Variants in ALK observed in about 807,000 individuals in gnomAD.
The protein encoded by ALK is ALK tyrosine kinase receptor.
Under a neutral mutation model 163.1 loss-of-function variants are expected in ALK, and 74 were observed. The observed-to-expected ratio is 0.45, with a 90% CI of 0.38 to 0.55. ALK has a LOEUF of 0.55. Among genes scored for constraint, ALK ranks in the 20% least tolerant of loss-of-function variants. The pLI is 0.00. For synonymous variants in ALK, 960 were observed against 843.2 expected (o/e 1.14, Z -2.40); for missense variants, 2,063 against 2,105.3 (o/e 0.98, Z 0.39).
intron 4 of ALK, among the ~76,000 whole-genome samples, chr2:29,497,692 T>C (rs1022920746): frequency 1.6e-4 from 25 of 152,332 alleles, no homozygotes; most frequent in Middle Eastern, 3.4e-3. Context: ...GACAGAATCT[T>C]TTTCTTCCTT....
At chr2:29,532,501 T>C (rs1356597915) in intron 3 of ALK, among the ~76,000 whole-genome samples, 1 of 152,252 alleles carries the variant, frequency 6.6e-6, no homozygotes, top group East Asian at 1.9e-4. Flanking sequence ...ATTAACTTTC[T>C]TAGGTTTCAG....
At chr2:29,703,645 A>G (rs568380925) in intron 2 of ALK, among the ~76,000 whole-genome samples, 1 of 152,338 alleles carries the variant, frequency 6.6e-6, no homozygotes, top group East Asian at 1.9e-4. Flanking sequence ...TCATCCTGAG[A>G]AATAGTATTC....
At chr2:29,401,168 C>G (rs1253733859) in intron 4 of ALK, among the ~76,000 whole-genome samples, 1 of 152,174 alleles carries the variant, frequency 6.6e-6, no homozygotes, top group Non-Finnish European at 1.5e-5. Flanking sequence ...CTTCACTACA[C>G]CTGATCAAGT....
intron 5 of ALK, among the ~76,000 whole-genome samples, chr2:29,354,956 C>T (rs1422597744): frequency 2.6e-5 from 4 of 151,940 alleles, no homozygotes; most frequent in South Asian, 2.1e-4. Context: ...TTAGTAGAGA[C>T]GGGGTTTCAC....
At chr2:29,612,504 T>G (rs541936129) in intron 3 of ALK, among the ~76,000 whole-genome samples, 4 of 152,194 alleles carry the variant, frequency 2.6e-5, no homozygotes, top group Non-Finnish European at 5.9e-5. Flanking sequence ...AAAGTGATCA[T>G]GAGGTCAACT....
intron 4 of ALK, among the ~76,000 whole-genome samples, chr2:29,484,808 C>A (rs1671741895): frequency 6.6e-6 from 1 of 152,258 alleles, no homozygotes; most frequent in African/African-American, 2.4e-5. Flanking sequence ...TAAATGACTG[C>A]AAAATTCTAT....
At chr2:29,674,436 G>A (rs1441432286) in intron 3 of ALK, among the ~76,000 whole-genome samples, 6 of 150,672 alleles carry the variant, frequency 4.0e-5, no homozygotes, top group African/African-American at 7.3e-5. Flanking sequence ...AGATAATCAT[G>A]TGGTTTTTGT....
chr2:29,442,060 C>T (rs1022353795), intron 4 of ALK, among the ~76,000 whole-genome samples: 1 of 152,178 alleles, frequency 6.6e-6, no homozygotes. Flanking sequence ...GAAGCAGGCT[C>T]ATAGGTGCAC....
At chr2:29,343,944 G>C (rs1667874212) in intron 5 of ALK, among the ~76,000 whole-genome samples, 1 of 152,160 alleles carries the variant, frequency 6.6e-6, no homozygotes, top group African/African-American at 2.4e-5. Context: ...ACTAAGCAGA[G>C]TCTACAATTT....
intron 1 of ALK, among the ~76,000 whole-genome samples, chr2:29,730,037 C>T (rs945623404): frequency 3.3e-5 from 5 of 152,152 alleles, no homozygotes; most frequent in African/African-American, 9.7e-5. Context: ...GAAGGTAAGT[C>T]GTCCTATTAA....
chr2:29,193,848 C>T lies in ALK; in HGVS notation c.4239G>A (p.Val1413=), dbSNP rs1430694759. 1.2e-6 allele frequency: 2 copies of T among 1,613,212 alleles called. No homozygotes were observed. The highest frequency in any genetic ancestry group is 1.7e-6 in the Non-Finnish European group (2 of 1,179,670). The change falls in exon 29 of 29, where the codon GTG becomes GTA. Residue 1413 remains valine, a synonymous_variant. Transcript: ENST00000389048. The part of the protein sequence containing the change: ...PLVEEEEKVP[V]RPKDPEGVPP... ...GAACCCCCTCAGGGTCCTTGGGCCT[C>T]ACAGGCACTTTCTCTTCCTCTTCCA...
At chr2:29,559,508 T>C (rs1435504300) in intron 3 of ALK, among the ~76,000 whole-genome samples, 1 of 152,200 alleles carries the variant, frequency 6.6e-6, no homozygotes, top group Non-Finnish European at 1.5e-5. Context: ...TCCACATTCT[T>C]AATATTTGCC....
chr2:29,886,834 T>C (rs2148421863), intron 1 of ALK, among the ~76,000 whole-genome samples: 1 of 152,348 alleles, frequency 6.6e-6, no homozygotes, highest in East Asian at 1.9e-4. Context: ...GCTCAACACC[T>C]GGCAAATTGG....
chr2:29,907,264 TTCCCTC>T (rs1182994721), intron 1 of ALK: 8 of 152,230 alleles, frequency 5.3e-5, no homozygotes, highest in African/African-American at 1.9e-4. Context: ...CTTTAGCTTT[TTCCCTC>T]CTGATTTTCA....
At chr2:29,201,781 TAAA>T (rs34316026) in intron 26 of ALK, among the ~76,000 whole-genome samples, 204 of 138,438 alleles carry the variant, frequency 1.5e-3, no homozygotes, top group African/African-American at 4.7e-3. Context: ...AATGACAGTC[TAAA>T]AAAAAAAAAA....
At chr2:29,343,149 G>A (rs1213808235) in intron 5 of ALK, among the ~76,000 whole-genome samples, 1 of 151,090 alleles carries the variant, frequency 6.6e-6, no homozygotes, top group African/African-American at 2.4e-5. Context: ...GCCTCCCTAA[G>A]GGCTGAGATT....
At chr2:29,624,172 C>G (rs966117506) in intron 3 of ALK, among the ~76,000 whole-genome samples, 1 of 23,984 alleles carries the variant, frequency 4.2e-5, no homozygotes, top group East Asian at 2.3e-3. Context: ...GTCCTGCTCT[C>G]GCTGGTGGTA....
intron 8 of ALK, 43 bp downstream of exon 8, chr2:29,318,261 G>C: frequency 4.7e-6 from 7 of 1,504,170 alleles, no homozygotes; most frequent in Non-Finnish European, 5.6e-6. Context: ...GTGACAAGAG[G>C]TGGGAGGAGA....
chr2:29,736,405 G>A (rs1192847763), intron 1 of ALK, among the ~76,000 whole-genome samples: 1 of 151,484 alleles, frequency 6.6e-6, no homozygotes, highest in Non-Finnish European at 1.5e-5. Context: ...TAAATCCAGG[G>A]TGGAAATAAA....
Sources: allele counts gnomAD v4.1 joint callset (sites outside exome capture counted in the v4.1 genomes callset), GRCh38; gene constraint gnomAD v4.1.1; transcripts MANE v1.5; gene names NCBI Gene and HGNC (gene_info 2026-07-23, HGNC 2026-07-21).